The following IL23R variants were observed in gnomAD, a reference collection of about 807,000 sequenced individuals.
The protein encoded by IL23R is interleukin 23 receptor, also known as interleukin-23 receptor.
In IL23R, 34 loss-of-function variants were observed where a neutral mutation model predicts 56.9. That is an observed-to-expected ratio of 0.60 (90% CI 0.45 to 0.80). The LOEUF (loss-of-function observed/expected upper bound fraction) is 0.80, where lower values mean the gene tolerates loss of function less well. IL23R is among the 30% of genes least tolerant of loss of function. IL23R has a pLI of 0.00. For synonymous variants in IL23R, 230 were observed against 249.2 expected (o/e 0.92, Z 0.73); for missense variants, 635 against 730.0 (o/e 0.87, Z 1.50).
intron 2 of IL23R, 103 bp downstream of exon 2, chr1:67,168,293 ATAT>A: frequency 1.1e-6 from 1 of 922,778 alleles, no homozygotes; most frequent in Admixed American, 1.7e-5. Flanking sequence ...AAGAATACAA[ATAT>A]TATTAGACTA....
intron 1 of IL23R, among the ~76,000 whole-genome samples, chr1:67,153,180 G>A (rs1218330790): frequency 6.6e-6 from 1 of 152,108 alleles, no homozygotes. Flanking sequence ...GTTTTGGGAG[G>A]TGTATGTGTC....
At position 67,259,332 on chromosome 1, in the gene IL23R, T is replaced by G; in HGVS notation, c.*204T>G. The G allele has an allele frequency of 3.5e-6, 2 of 576,362 alleles. No individual in the cohort carries two copies. The highest frequency in any genetic ancestry group is 6.9e-4 in the Middle Eastern group (2 of 2,916). 35.7% of individuals were successfully genotyped at this position (576,362 alleles called of 1,614,324 possible). On this transcript the variant is annotated 3_prime_UTR_variant, in exon 11 of 11. Transcript: ENST00000347310. ...ATATGATAAGCATATGTTTCAGTTCTACCAATCTTGTTTCCAGAGTAGTGA... is the reference window on the plus strand; with the variant it reads ...ATATGATAAGCATATGTTTCAGTTCGACCAATCTTGTTTCCAGAGTAGTGA...
At chr1:67,247,416 T>A (rs536564072) in intron 9 of IL23R, among the ~76,000 whole-genome samples, 34 of 152,188 alleles carry the variant, frequency 2.2e-4, no homozygotes, top group African/African-American at 7.9e-4. Flanking sequence ...GGGATTCTCC[T>A]GCCTCAGCCT....
chr1:67,158,795 G>A (rs951929145), intron 1 of IL23R, among the ~76,000 whole-genome samples: 2 of 151,912 alleles, frequency 1.3e-5, no homozygotes, highest in Non-Finnish European at 2.9e-5. Context: ...ATTGGAGGAG[G>A]GGCCTGGTGG....
At chr1:67,168,255 T>C in intron 2 of IL23R, 65 bp downstream of exon 2, 2 of 1,141,756 alleles carry the variant, frequency 1.8e-6, no homozygotes, top group Non-Finnish European at 1.3e-6. Flanking sequence ...GTGATTATCA[T>C]TTTCATGGTT....
chr1:67,141,794 A>G (rs1448047949), intron 1 of IL23R, among the ~76,000 whole-genome samples: 1 of 152,016 alleles, frequency 6.6e-6, no homozygotes, highest in Admixed American at 6.6e-5. Context: ...TTGAGGAGGA[A>G]TTATTTAATT....
intron 4 of IL23R, among the ~76,000 whole-genome samples, chr1:67,185,401 A>T (rs1325858566): frequency 6.6e-6 from 1 of 152,174 alleles, no homozygotes; most frequent in Non-Finnish European, 1.5e-5. Flanking sequence ...TTTTTAAAAA[A>T]AATCTTTTTA....
At chr1:67,242,066 T>C (rs951507950) in intron 9 of IL23R, among the ~76,000 whole-genome samples, 1 of 152,218 alleles carries the variant, frequency 6.6e-6, no homozygotes, top group Non-Finnish European at 1.5e-5. Context: ...TACAGTAGAA[T>C]CTGCTATAGA....
chr1:67,154,452 G>A (rs1646754533), intron 1 of IL23R, among the ~76,000 whole-genome samples: 1 of 152,072 alleles, frequency 6.6e-6, no homozygotes, highest in Non-Finnish European at 1.5e-5. Flanking sequence ...TATATTGGGT[G>A]CATATATATT....
intron 1 of IL23R, among the ~76,000 whole-genome samples, chr1:67,146,400 T>A (rs572101586): frequency 6.6e-6 from 1 of 152,216 alleles, no homozygotes; most frequent in Non-Finnish European, 1.5e-5. Flanking sequence ...TCATGAATAC[T>A]GCTGATCTGT....
chr1:67,180,212 G>A (rs879027517), intron 3 of IL23R, among the ~76,000 whole-genome samples: 2 of 152,142 alleles, frequency 1.3e-5, no homozygotes, highest in Non-Finnish European at 2.9e-5. Context: ...AATGTTGACA[G>A]TGGGGTGTTA....
At chr1:67,222,359 C>T (rs978337275) in intron 7 of IL23R, among the ~76,000 whole-genome samples, 9 of 152,034 alleles carry the variant, frequency 5.9e-5, no homozygotes, top group Admixed American at 2.6e-4. Context: ...TCAGGTGATC[C>T]GCCCGCTTTG....
intron 1 of IL23R, among the ~76,000 whole-genome samples, chr1:67,160,367 A>T (rs146720151): frequency 6.6e-6 from 1 of 152,226 alleles, no homozygotes; most frequent in Non-Finnish European, 1.5e-5. Flanking sequence ...AAGTGTTTAA[A>T]TGGTACTTTT....
At chr1:67,196,976 T>G (rs1648201053) in intron 4 of IL23R, among the ~76,000 whole-genome samples, 1 of 152,178 alleles carries the variant, frequency 6.6e-6, no homozygotes, top group Non-Finnish European at 1.5e-5. Context: ...GACATCCAAA[T>G]GAAGCTCCCA....
In IL23R at chr1:67,200,720, T is replaced by G. The variant is rs779240654; in HGVS notation, c.492-17T>G. ...AACTAAATACAATTTATGATCATCT[T>G]TTTTTTTTGTTTTAAGTTTAGAGAC... On this transcript the variant is annotated splice_polypyrimidine_tract_variant and intron_variant, in intron 4 of 10. Transcript: ENST00000347310. The G allele has an allele frequency of 1.7e-5, 27 of 1,594,086 alleles. No homozygotes were observed. Among genetic ancestry groups the G allele is most frequent in the Non-Finnish European group, 2.1e-5 (25 of 1,164,884 alleles).
intron 7 of IL23R, among the ~76,000 whole-genome samples, chr1:67,221,608 A>G (rs950988015): frequency 2.6e-5 from 4 of 152,198 alleles, no homozygotes; most frequent in Admixed American, 6.6e-5. Context: ...AATTGTAATA[A>G]TACTCCTAAT....
chr1:67,211,804 A>G (rs1649495534), intron 6 of IL23R, among the ~76,000 whole-genome samples: 1 of 152,202 alleles, frequency 6.6e-6, no homozygotes, highest in African/African-American at 2.4e-5. Context: ...TGGTGGTGCT[A>G]CATAGGCCAT....
In IL23R at chr1:67,210,143, A is replaced by G. The variant is rs114957120; in HGVS notation, c.798+3088A>G. ...AAAGATGATGATAATCCGAGTAAAA[A>G]TGAGTTTAAAAAAGTGAACGTCTAG... is the stretch of plus-strand genomic sequence containing the variant. On this transcript the variant is annotated intron_variant, in intron 6 of 10. Coordinates refer to ENST00000347310, the MANE Select transcript of IL23R (RefSeq NM_144701.3). Among the ~76,000 whole-genome samples, 1,370 of 152,296 alleles carry G rather than the reference A, an allele frequency of 9.0e-3. 21 individuals are homozygous for G. The highest frequency in any genetic ancestry group is 0.031 in the African/African-American group (1,278 of 41,544).
intron 7 of IL23R, among the ~76,000 whole-genome samples, chr1:67,236,462 T>G (rs995097778): frequency 6.6e-6 from 1 of 152,226 alleles, no homozygotes; most frequent in Non-Finnish European, 1.5e-5. Context: ...TGGACACACC[T>G]TGAAGTTTTA....
Sources: allele counts gnomAD v4.1 joint callset (sites outside exome capture counted in the v4.1 genomes callset), GRCh38; gene constraint gnomAD v4.1.1; transcripts MANE v1.5; gene names NCBI Gene and HGNC (gene_info 2026-07-23, HGNC 2026-07-21).